TRIM63: variants seen among roughly 807,000 people sequenced by gnomAD.
TRIM63 encodes the protein E3 ubiquitin-protein ligase TRIM63.
A neutral mutation model predicts 46.0 loss-of-function variants in TRIM63; 48 were observed. That is an observed-to-expected ratio of 1.04 (90% confidence interval 0.83 to 1.33). TRIM63 has a LOEUF of 1.33. Among genes scored for constraint, TRIM63 ranks in the 40% most tolerant of loss-of-function variants. The pLI, the probability that TRIM63 is intolerant of heterozygous loss-of-function variation, is 0.00. For missense variants in TRIM63, 455 were observed against 441.2 expected, an observed-to-expected ratio of 1.03 and a Z score of -0.28; for synonymous variants, 175 against 162.8, an observed-to-expected ratio of 1.08 and a Z score of -0.57.
chr1:26,065,166 G>A (rs972764500), intron 2 of TRIM63, among the ~76,000 whole-genome samples: 2 of 152,080 alleles, frequency 1.3e-5, no homozygotes, highest in African/African-American at 4.8e-5. Flanking sequence ...TGGGATGACA[G>A]GCACGCGCCA....
At chr1:26,052,010 T>G (rs1236152855) in intron 8 of TRIM63, 127 bp from the exon 9 acceptor site, 2 of 786,146 alleles carry the variant, frequency 2.5e-6, no homozygotes, top group Non-Finnish European at 3.5e-6. Flanking sequence ...TTCCTCCCGG[T>G]CTCTTCCTTT....
chr1:26,063,788 G>A (rs931131789), intron 2 of TRIM63, among the ~76,000 whole-genome samples: 2 of 152,252 alleles, frequency 1.3e-5, no homozygotes, highest in African/African-American at 2.4e-5. Flanking sequence ...CCGGCACAGA[G>A]CAGACCCTCA....
chr1:26,057,185 C>A lies in TRIM63; in HGVS notation c.979+18G>T. ...GTCAGGCAGGCAAATAGACAAGTGGCATCACCACCTCCTTTACCTGTCCCA... is the reference window on the plus strand; with the variant it reads ...GTCAGGCAGGCAAATAGACAAGTGGAATCACCACCTCCTTTACCTGTCCCA... On this transcript the variant is annotated intron_variant, in intron 7 of 8. Coordinates refer to ENST00000374272, the MANE Select transcript of TRIM63 (RefSeq NM_032588.4). 6.2e-7 allele frequency: 1 copy of A among 1,613,650 alleles called. No homozygotes were observed. Among genetic ancestry groups the A allele is most frequent in the Non-Finnish European group, 8.5e-7 (1 of 1,179,746 alleles).
chr1:26,061,385 C>T (rs1276928761), intron 2 of TRIM63, 51 bp from the exon 3 acceptor site: 28 of 1,587,908 alleles, frequency 1.8e-5, no homozygotes, highest in Middle Eastern at 3.3e-4. Context: ...CCCTGCATCC[C>T]CCTCCCCAGC....
chr1:26,062,698 C>A (rs868054943), intron 2 of TRIM63, among the ~76,000 whole-genome samples: 1 of 152,224 alleles, frequency 6.6e-6, no homozygotes, highest in African/African-American at 2.4e-5. Context: ...AGACCTCCAA[C>A]CTGTTATTTG....
chr1:26,052,554 C>A (rs2050532001), intron 8 of TRIM63, among the ~76,000 whole-genome samples: 1 of 152,016 alleles, frequency 6.6e-6, no homozygotes, highest in Non-Finnish European at 1.5e-5. Flanking sequence ...AAGCTCCGCC[C>A]CCCTGGGGTT....
chr1:26,066,421 G>A lies in TRIM63; in HGVS notation c.179C>T (p.Thr60Ile). The A allele has an allele frequency of 1.3e-6, 2 of 1,593,624 alleles. No individual in the cohort carries two copies. Among genetic ancestry groups the A allele is most frequent in the South Asian group, 1.1e-5 (1 of 88,814 alleles). ...DIFQAANPYW[T>I]SRGSSVSMSG... is the part of the protein sequence containing the mutation. ...CATGGACACTGAGCTGCCCCGGCTG[G>A]TCCAGTAGGGATTTGCAGCCTGCAG... is the stretch of plus-strand genomic sequence containing the variant. Residue 60 changes from threonine (T) to isoleucine (I), a missense_variant, in exon 2 of 9, where the codon ACC becomes ATC. By Grantham distance (89) the Thr-to-Ile change is moderately conservative (BLOSUM62 -1). Transcript: ENST00000374272.
In TRIM63 at chr1:26,058,427, T is replaced by C. The variant is rs1429884093; in HGVS notation, c.794A>G (p.Gln265Arg). 8.7e-6 allele frequency: 14 copies of C among 1,614,186 alleles called. No homozygotes were observed. Among genetic ancestry groups the C allele is most frequent in the Non-Finnish European group, 1.2e-5 (14 of 1,180,042 alleles). The change falls in exon 5 of 9, where the codon CAG (glutamine) becomes CGG (arginine). Residue 265 changes from glutamine (Q) to arginine (R), a missense_variant. By Grantham distance (43) the Gln-to-Arg change is conservative. Transcript: ENST00000374272. ...KSTKLVETAI[Q>R]SLDEPGGATF... ...GGCTCCCCCAGGCTCGTCCAGGGAC[T>C]GGATGGCAGTTTCCACCAGCTTTGT...
intron 1 of TRIM63, 125 bp downstream of exon 1, chr1:26,067,211 T>C (rs766063157): frequency 4.8e-6 from 6 of 1,241,924 alleles, no homozygotes; most frequent in Non-Finnish European, 5.5e-6. Context: ...CAGAGGCCTC[T>C]GCAGGGGTTC....
intron 3 of TRIM63, among the ~76,000 whole-genome samples, 184 bp downstream of exon 3, chr1:26,060,982 A>G (rs1196170917): frequency 1.3e-5 from 2 of 152,148 alleles, no homozygotes; most frequent in African/African-American, 4.8e-5. Flanking sequence ...AAGTATAACC[A>G]TGAGCTCAGC....
Position 26,051,818 on chromosome 1 carries a change from CT to C in TRIM63, c.*54del. On this transcript the variant is annotated 3_prime_UTR_variant, in exon 9 of 9. Coordinates refer to ENST00000374272, the MANE Select transcript of TRIM63 (RefSeq NM_032588.4). ...GCCTGTCACCAAGGCCGCTGGGCCC[CT>C]CCCCACCCTCTCCAGTCTCTCTGCA... is the stretch of plus-strand genomic sequence containing the variant. 1 of 1,332,748 alleles carries C rather than the reference CT, an allele frequency of 7.5e-7. No individual in the cohort carries two copies. The highest frequency in any genetic ancestry group is 9.7e-7 in the Non-Finnish European group (1 of 1,032,482). The allele number at this position is 1,332,748 out of a possible 1,614,324, so 82.6% of individuals were successfully genotyped here. A position where few individuals can be genotyped will look rare whatever the true frequency, so the allele number is the denominator to read the frequency against.
intron 2 of TRIM63, among the ~76,000 whole-genome samples, chr1:26,064,385 C>T (rs867954140): frequency 2.0e-5 from 3 of 152,062 alleles, no homozygotes; most frequent in South Asian, 2.1e-4. Context: ...GAGCCAAGAT[C>T]GTACCACTGC....
rs557756702 is a variant in TRIM63, at chr1:26,055,636, G to A, written c.979+1567C>T. Among the ~76,000 whole-genome samples, 23 of 151,702 alleles carry A rather than the reference G, an allele frequency of 1.5e-4. No individual in the cohort carries two copies. In the East Asian group the frequency reaches 2.7e-3, roughly 18 times the overall value. ...AGCAATTCTGCTGCTTCAGCCTCCCGAGTTAGCTGGGATTACAGGCATGCA... is the reference window on the plus strand; with the variant it reads ...AGCAATTCTGCTGCTTCAGCCTCCCAAGTTAGCTGGGATTACAGGCATGCA... On this transcript the variant is annotated intron_variant, in intron 7 of 8. Coordinates refer to ENST00000374272, the MANE Select transcript of TRIM63 (RefSeq NM_032588.4).
At chr1:26,054,786 G>A (rs897281148) in intron 7 of TRIM63, among the ~76,000 whole-genome samples, 2 of 151,894 alleles carry the variant, frequency 1.3e-5, no homozygotes, top group African/African-American at 4.8e-5. Context: ...GGCCAACATG[G>A]TAAAACCCTG....
chr1:26,066,511 A>C, intron 1 of TRIM63, 71 bp from the exon 2 acceptor site: 1 of 1,389,398 alleles, frequency 7.2e-7, no homozygotes, highest in Non-Finnish European at 9.5e-7. Context: ...ATCTCCTCTT[A>C]TCCTTTCCTC....
At chr1:26,055,101 T>C (rs2050559361) in intron 7 of TRIM63, among the ~76,000 whole-genome samples, 1 of 152,236 alleles carries the variant, frequency 6.6e-6, no homozygotes, top group Admixed American at 6.5e-5. Context: ...TAGCAGTTGC[T>C]GAGTACTTAC....
intron 1 of TRIM63, among the ~76,000 whole-genome samples, chr1:26,066,786 C>A (rs1163262132): frequency 6.6e-6 from 1 of 152,058 alleles, no homozygotes; most frequent in Admixed American, 6.5e-5. Flanking sequence ...AAGATAATAT[C>A]GTGAAAGAAC....
At chr1:26,060,173 C>T in intron 4 of TRIM63, 93 bp downstream of exon 4, 2 of 1,192,442 alleles carry the variant, frequency 1.7e-6, no homozygotes, top group Non-Finnish European at 2.4e-6. Flanking sequence ...CGGGCCCCAA[C>T]CTTTAGCCAC....
At chr1:26,066,515 T>C in intron 1 of TRIM63, 75 bp from the exon 2 acceptor site, 2 of 1,371,624 alleles carry the variant, frequency 1.5e-6, no homozygotes, top group Non-Finnish European at 1.9e-6. Flanking sequence ...CCTCTTATCC[T>C]TTCCTCTGCC....
Sources: gnomAD v4.1 joint callset for allele counts (sites outside exome capture counted in the v4.1 genomes callset) on GRCh38, gnomAD v4.1.1 for gene constraint, MANE v1.5 for transcripts, NCBI Gene and HGNC (gene_info 2026-07-23, HGNC 2026-07-21) for gene names.